Variants in RNF180 observed in about 807,000 individuals in gnomAD.
The protein encoded by RNF180 is E3 ubiquitin-protein ligase RNF180.
Under a neutral mutation model 59.2 loss-of-function variants are expected in RNF180, and 38 were observed. That is an observed-to-expected ratio of 0.64 (90% confidence interval 0.50 to 0.84). The LOEUF is 0.84. RNF180 is among the 40% of genes least tolerant of loss of function. RNF180 has a pLI of 0.00. For synonymous variants in RNF180, 262 were observed against 240.3 expected, an observed-to-expected ratio of 1.09 and a Z score of -0.84; for missense variants, 705 against 700.9, an observed-to-expected ratio of 1.01 and a Z score of -0.07.
At chr5:64,286,438 C>T (rs1742288718) in intron 5 of RNF180, among the ~76,000 whole-genome samples, 1 of 152,140 alleles carries the variant, frequency 6.6e-6, no homozygotes. Flanking sequence ...CCCTTAACTC[C>T]AATACCCTAA....
intron 1 of RNF180, among the ~76,000 whole-genome samples, chr5:64,169,296 T>C (rs764073860): frequency 2.0e-5 from 3 of 152,232 alleles, no homozygotes. Flanking sequence ...AGTGAGAGTG[T>C]GACCAAAACT....
chr5:64,252,981 C>T (rs562455563), intron 5 of RNF180, among the ~76,000 whole-genome samples: 34 of 151,842 alleles, frequency 2.2e-4, no homozygotes, highest in Non-Finnish European at 2.1e-4. Flanking sequence ...TGTACCTCCC[C>T]GAGAGTGATC....
intron 1 of RNF180, among the ~76,000 whole-genome samples, chr5:64,177,757 G>A (rs1454926663): frequency 2.0e-5 from 3 of 151,824 alleles, no homozygotes; most frequent in African/African-American, 7.2e-5. Flanking sequence ...TAACTGAGAT[G>A]AGTTTAATTT....
chr5:64,308,451 A>G (rs1306496548), intron 5 of RNF180, among the ~76,000 whole-genome samples: 6 of 151,768 alleles, frequency 4.0e-5, no homozygotes, highest in South Asian at 2.1e-4. Context: ...TTGCATTTAA[A>G]TGAGGTGTCT....
chr5:64,277,123 C>T (rs139358309), intron 5 of RNF180, among the ~76,000 whole-genome samples: 2 of 148,894 alleles, frequency 1.3e-5, no homozygotes, highest in Non-Finnish European at 3.0e-5. Context: ...ATTTGGAGAC[C>T]GAGCTTTTAA....
chr5:64,338,151 T>C (rs1745208702), intron 7 of RNF180, among the ~76,000 whole-genome samples: 1 of 152,182 alleles, frequency 6.6e-6, no homozygotes, highest in Non-Finnish European at 1.5e-5. Flanking sequence ...CCTTACGAAA[T>C]TGTCTTATTA....
chr5:64,289,034 A>G (rs1742435036), intron 5 of RNF180, among the ~76,000 whole-genome samples: 1 of 152,144 alleles, frequency 6.6e-6, no homozygotes, highest in South Asian at 2.1e-4. Flanking sequence ...GGTTTGTCAT[A>G]TATCGCTCTT....
At chr5:64,195,066 T>C (rs1417519587) in intron 1 of RNF180, among the ~76,000 whole-genome samples, 1 of 152,196 alleles carries the variant, frequency 6.6e-6, no homozygotes, top group Non-Finnish European at 1.5e-5. Flanking sequence ...TTATCAGGTA[T>C]TATGTTAGCT....
intron 5 of RNF180, among the ~76,000 whole-genome samples, chr5:64,319,174 T>TAAAA (rs67593090): frequency 3.7e-5 from 5 of 134,486 alleles, no homozygotes; most frequent in African/African-American, 1.1e-4. Context: ...AACTGTTGTT[T>TAAAA]AAAAAAAAAA....
At chr5:64,340,838 A>G (rs1745327031) in intron 7 of RNF180, among the ~76,000 whole-genome samples, 1 of 152,142 alleles carries the variant, frequency 6.6e-6, no homozygotes, top group Admixed American at 6.6e-5. Context: ...TATAATGCAA[A>G]TTGTACATTT....
intron 5 of RNF180, among the ~76,000 whole-genome samples, chr5:64,292,362 C>G (rs1378778369): frequency 3.3e-5 from 5 of 152,072 alleles, no homozygotes; most frequent in African/African-American, 1.2e-4. Flanking sequence ...TTTTAACAAC[C>G]AGGCCATTAT....
At chr5:64,254,490 C>T (rs1743805393) in intron 5 of RNF180, among the ~76,000 whole-genome samples, 1 of 152,012 alleles carries the variant, frequency 6.6e-6, no homozygotes, top group African/African-American at 2.4e-5. Flanking sequence ...TTGCAACATG[C>T]TTTTTATAGA....
At chr5:64,271,571 C>T (rs1741400990) in intron 5 of RNF180, among the ~76,000 whole-genome samples, 1 of 151,964 alleles carries the variant, frequency 6.6e-6, no homozygotes, top group Non-Finnish European at 1.5e-5. Context: ...CACTCTATGG[C>T]TTTCACACAA....
chr5:64,246,528 C>T (rs993858744), intron 5 of RNF180, among the ~76,000 whole-genome samples: 1 of 152,106 alleles, frequency 6.6e-6, no homozygotes, highest in Non-Finnish European at 1.5e-5. Flanking sequence ...GGATAAATTC[C>T]TGGACACATA....
chr5:64,323,539 AAAT>A (rs562456168), intron 5 of RNF180, among the ~76,000 whole-genome samples: 8 of 151,750 alleles, frequency 5.3e-5, no homozygotes, highest in South Asian at 2.1e-4. Flanking sequence ...CTCGGTGTCA[AAAT>A]AATAATAATA....
At chr5:64,342,668 G>A (rs987569276) in intron 7 of RNF180, among the ~76,000 whole-genome samples, 1 of 152,076 alleles carries the variant, frequency 6.6e-6, no homozygotes, top group African/African-American at 2.4e-5. Context: ...TGGCTAAAGA[G>A]AAACATCCAC....
Position 64,372,494 on chromosome 5 carries a change from A to T in RNF180, c.*2680A>T, listed in dbSNP as rs1179154631. 6.6e-6 allele frequency: 1 copy of T among 151,948 alleles called. No individual in the cohort carries two copies. The highest frequency in any genetic ancestry group is 1.5e-5 in the Non-Finnish European group (1 of 67,922). The allele number at this position is 151,948 out of a possible 1,614,324, so 9.4% of individuals were successfully genotyped here. A position where few individuals can be genotyped will look rare whatever the true frequency, so the allele number is the denominator to read the frequency against. On this transcript the variant is annotated 3_prime_UTR_variant, in exon 8 of 8. Coordinates refer to ENST00000389100, the MANE Select transcript of RNF180 (RefSeq NM_001113561.2). ...CCATCAGTTTCACTTCTGCCTTGGA[A>T]TCTTGCTCCTAAGTTAGCTCTGTGG...
rs546995573 is a variant in RNF180 at position 64,338,506 on chromosome 5, G to A, written c.1579+8100G>A. Among the ~76,000 whole-genome samples, 104 of 152,064 alleles carry A rather than the reference G, an allele frequency of 6.8e-4. 1 individual carries two copies. The highest frequency in any genetic ancestry group is 2.5e-3 in the African/African-American group (103 of 41,476). ...AAAAATTAGCCTGGCGTGGTGGCGGGTGCCTGTAGTCCCAGCTACTCAGGA... is the reference window on the plus strand; with the variant it reads ...AAAAATTAGCCTGGCGTGGTGGCGGATGCCTGTAGTCCCAGCTACTCAGGA... On this transcript the variant is annotated intron_variant, in intron 7 of 7. Transcript: ENST00000389100.
intron 5 of RNF180, among the ~76,000 whole-genome samples, chr5:64,284,375 C>A (rs1742172190): frequency 6.6e-6 from 1 of 152,134 alleles, no homozygotes; most frequent in Non-Finnish European, 1.5e-5. Context: ...AGATTCCCTG[C>A]ATTTTTGTGA....
Sources: gnomAD v4.1 joint callset for allele counts (sites outside exome capture counted in the v4.1 genomes callset) on GRCh38, gnomAD v4.1.1 for gene constraint, MANE v1.5 for transcripts, NCBI Gene and HGNC (gene_info 2026-07-23, HGNC 2026-07-21) for gene names.